The following HMGA2 variants were observed in gnomAD, a reference collection of about 807,000 sequenced individuals.
HMGA2 encodes the protein high mobility group protein HMGI-C.
HMGA2 carries 8 observed loss-of-function variants against 19.1 expected under a neutral mutation model. That is an observed-to-expected ratio of 0.42 (90% CI 0.25 to 0.76). The LOEUF is 0.76. Among genes scored for constraint, HMGA2 ranks in the 30% least tolerant of loss-of-function variants. HMGA2 has a pLI of 0.28. For synonymous variants in HMGA2, 60 were observed against 48.8 expected (o/e 1.23, Z -0.96); for missense variants, 109 against 136.3 (o/e 0.80, Z 1.00).
chr12:65,891,786 T>TG (rs1353626387), intron 3 of HMGA2, among the ~76,000 whole-genome samples: 2 of 152,204 alleles, frequency 1.3e-5, no homozygotes, highest in Non-Finnish European at 2.9e-5. Flanking sequence ...CTAATAACTG[T>TG]GGGTCTCAGT....
Position 65,963,667 on chromosome 12 carries a change from C to T in HMGA2, c.*375C>T. On this transcript the variant is annotated 3_prime_UTR_variant, in exon 5 of 5. Coordinates refer to ENST00000403681, the MANE Select transcript of HMGA2 (RefSeq NM_003483.6). ...CCGAATTGGGTTTAGTCAATCACTG[C>T]ACTGCATGCAAACAAGAAACGTGTC... is the stretch of plus-strand genomic sequence containing the variant. The T allele has an allele frequency of 2.6e-6, 1 of 386,466 alleles. No individual in the cohort carries two copies. The allele number at this position is 386,466 out of a possible 1,614,324, so 23.9% of individuals were successfully genotyped here.
chr12:65,826,742 C>T (rs991375753), intron 1 of HMGA2: 10 of 150,172 alleles, frequency 6.7e-5, no homozygotes, highest in African/African-American at 2.5e-4. Context: ...TTGTTTCCCA[C>T]CCGCCACCCA....
At chr12:65,868,660 T>C (rs931100322) in intron 3 of HMGA2, among the ~76,000 whole-genome samples, 2 of 152,168 alleles carry the variant, frequency 1.3e-5, no homozygotes, top group South Asian at 4.1e-4. Flanking sequence ...TCCAATTCAG[T>C]GCATCTTAAA....
chr12:65,880,890 A>T (rs1873339202), intron 3 of HMGA2, among the ~76,000 whole-genome samples: 1 of 152,186 alleles, frequency 6.6e-6, no homozygotes, highest in African/African-American at 2.4e-5. Flanking sequence ...TTATCTTAGC[A>T]TGGGTTGAAA....
intron 3 of HMGA2, among the ~76,000 whole-genome samples, chr12:65,926,869 A>G (rs1240812414): frequency 1.3e-5 from 2 of 152,312 alleles, no homozygotes; most frequent in East Asian, 3.9e-4. Context: ...CTCCAGTTCC[A>G]GAAGCAGCAC....
chr12:65,919,095 GA>G (rs1181577967), intron 3 of HMGA2, among the ~76,000 whole-genome samples: 1 of 152,156 alleles, frequency 6.6e-6, no homozygotes, highest in Non-Finnish European at 1.5e-5. Context: ...CATCAGATAA[GA>G]ACATTTATCA....
At chr12:65,832,205 C>A (rs1301732914) in intron 2 of HMGA2, among the ~76,000 whole-genome samples, 2 of 151,978 alleles carry the variant, frequency 1.3e-5, no homozygotes, top group Admixed American at 1.3e-4. Flanking sequence ...CCAGGGAAGA[C>A]AAAGCCTTAC....
intron 3 of HMGA2, among the ~76,000 whole-genome samples, chr12:65,883,498 A>C (rs1421116089): frequency 1.3e-5 from 2 of 152,232 alleles, no homozygotes; most frequent in Non-Finnish European, 2.9e-5. Context: ...AGTGAGACTT[A>C]GAGAGAAGTT....
chr12:65,891,691 T>C (rs1440140134), intron 3 of HMGA2, among the ~76,000 whole-genome samples: 2 of 152,152 alleles, frequency 1.3e-5, no homozygotes, highest in Admixed American at 6.5e-5. Context: ...AGCAGTAGAA[T>C]AGAGAGAGAA....
Position 65,964,523 on chromosome 12 carries a change from T to C in HMGA2, c.*1231T>C, listed in dbSNP as rs1876852157. 4.6e-6 allele frequency: 1 copy of C among 218,760 alleles called. No homozygotes were observed. Among genetic ancestry groups the C allele is most frequent in the East Asian group, 6.8e-5 (1 of 14,774 alleles). 13.6% of individuals were successfully genotyped at this position (218,760 alleles called of 1,614,324 possible). The stretch of plus-strand genomic sequence containing the variant: ...TTCAAACTGCACTTTTAGCCAGAGA[T>C]GCAATATATCCCCACTACTCAATAC... On this transcript the variant is annotated 3_prime_UTR_variant, in exon 5 of 5. Coordinates refer to ENST00000403681, the MANE Select transcript of HMGA2 (RefSeq NM_003483.6).
intron 3 of HMGA2, among the ~76,000 whole-genome samples, chr12:65,838,937 C>T (rs1391809611): frequency 6.7e-6 from 1 of 150,030 alleles, no homozygotes; most frequent in East Asian, 2.0e-4. Flanking sequence ...AATTCATACA[C>T]AATGTGTATG....
chr12:65,922,908 A>AT (rs1875368725), intron 3 of HMGA2, among the ~76,000 whole-genome samples: 1 of 151,960 alleles, frequency 6.6e-6, no homozygotes, highest in South Asian at 2.1e-4. Flanking sequence ...CCTCTTCCTC[A>AT]TTTTCTCTTG....
intron 3 of HMGA2, among the ~76,000 whole-genome samples, chr12:65,841,664 G>C (rs993499951): frequency 4.6e-5 from 7 of 152,158 alleles, no homozygotes; most frequent in Non-Finnish European, 1.0e-4. Context: ...TTTTTGAACC[G>C]ACTGGATTCA....
chr12:65,897,216 T>A (rs1184328598), intron 3 of HMGA2, among the ~76,000 whole-genome samples: 2 of 152,210 alleles, frequency 1.3e-5, no homozygotes, highest in African/African-American at 2.4e-5. Context: ...CAAGCATTTA[T>A]CCTTTGTGTT....
intron 3 of HMGA2, among the ~76,000 whole-genome samples, chr12:65,900,928 G>T (rs1022966023): frequency 5.9e-5 from 9 of 152,118 alleles, no homozygotes; most frequent in Admixed American, 4.6e-4. Context: ...TTAAAAACAG[G>T]CAATGTGTAA....
chr12:65,866,490 G>A (rs1872419707), intron 3 of HMGA2, among the ~76,000 whole-genome samples: 2 of 152,272 alleles, frequency 1.3e-5, no homozygotes, highest in African/African-American at 4.8e-5. Context: ...GGACAAGAGG[G>A]TTAGGGGCTA....
At chr12:65,844,552 T>C (rs1871154539) in intron 3 of HMGA2, among the ~76,000 whole-genome samples, 1 of 152,234 alleles carries the variant, frequency 6.6e-6, no homozygotes, top group South Asian at 2.1e-4. Flanking sequence ...AAGTGAAGAA[T>C]TGAATTTGAT....
At chr12:65,926,145 C>A (rs374073642) in intron 3 of HMGA2, among the ~76,000 whole-genome samples, 5 of 152,160 alleles carry the variant, frequency 3.3e-5, no homozygotes, top group African/African-American at 9.7e-5. Flanking sequence ...TTCACTAAAT[C>A]CCTGTATTTA....
chr12:65,910,491 A>G (rs989673737), intron 3 of HMGA2, among the ~76,000 whole-genome samples: 3 of 152,172 alleles, frequency 2.0e-5, no homozygotes, highest in Non-Finnish European at 2.9e-5. Flanking sequence ...TGTTGTCCCA[A>G]TGTTATAGAT....
Sources: allele counts gnomAD v4.1 joint callset (sites outside exome capture counted in the v4.1 genomes callset), GRCh38; gene constraint gnomAD v4.1.1; transcripts MANE v1.5; gene names NCBI Gene and HGNC (gene_info 2026-07-23, HGNC 2026-07-21).